The following ADORA1 variants were observed in gnomAD, a reference collection of about 807,000 sequenced individuals.
ADORA1 encodes the protein adenosine receptor A1.
ADORA1 carries 6 observed loss-of-function variants against 19.9 expected under a neutral mutation model. That is an observed-to-expected ratio of 0.30 (90% CI 0.17 to 0.59). The LOEUF is 0.59. ADORA1 is among the 20% of genes least tolerant of loss of function. The probability of loss-of-function intolerance (pLI) is 0.87; values close to 1 mark genes in which losing one functional copy is unlikely to be tolerated. For synonymous variants in ADORA1, 194 were observed against 188.4 expected (o/e 1.03, Z -0.24); for missense variants, 302 against 439.2 (o/e 0.69, Z 2.79).
chr1:203,141,572 ATTT>A (rs56188119), intron 3 of ADORA1, among the ~76,000 whole-genome samples: 761 of 73,540 alleles, frequency 0.01, 7 homozygotes, highest in South Asian at 0.08. Context: ...TCTAACCTGG[ATTT>A]TTTTTTTTTT....
intron 3 of ADORA1, among the ~76,000 whole-genome samples, chr1:203,163,272 T>G (rs1177252983): frequency 6.6e-6 from 1 of 152,220 alleles, no homozygotes; most frequent in African/African-American, 2.4e-5. Context: ...GCACACGTAG[T>G]ATCTCATTTG....
chr1:203,165,490 C>A lies in ADORA1; in HGVS notation c.571C>A (p.Pro191Thr). ...CTTCAACTTCTTTGTGTGGGTGCTG[C>A]CCCCGCTTCTCCTCATGGTCCTCAT... ...VYFNFFVWVLPPLLLMVLIYL... is the reference protein window; with the variant it reads ...VYFNFFVWVLTPLLLMVLIYL... Residue 191 changes from proline to threonine, a missense_variant, in exon 4 of 4, where the codon CCC (proline) becomes ACC (threonine). By Grantham distance (38) the Pro-to-Thr change is conservative. Coordinates refer to ENST00000337894, the MANE Select transcript of ADORA1 (RefSeq NM_000674.3). The surrounding 1 kb of genome is among the most constrained non-coding windows in gnomAD (Gnocchi z 5.9). The A allele has an allele frequency of 1.2e-6, 2 of 1,613,094 alleles. No homozygotes were observed. The highest frequency in any genetic ancestry group is 1.7e-6 in the Non-Finnish European group (2 of 1,179,296).
intron 3 of ADORA1, among the ~76,000 whole-genome samples, chr1:203,137,756 A>G (rs568093392): frequency 6.6e-6 from 1 of 152,326 alleles, no homozygotes; most frequent in Non-Finnish European, 1.5e-5. Flanking sequence ...CCTATATACC[A>G]CTACCCCGAT....
intron 3 of ADORA1, among the ~76,000 whole-genome samples, chr1:203,164,669 G>C (rs1290811240): frequency 6.6e-6 from 1 of 152,154 alleles, no homozygotes; most frequent in Non-Finnish European, 1.5e-5. Context: ...GGGAAGGGGG[G>C]TTGTGTGAAA....
At position 203,146,570 on chromosome 1, in the gene ADORA1, G is replaced by A. The variant is rs187000131; in HGVS notation, c.341+17388G>A. On this transcript the variant is annotated intron_variant, in intron 3 of 3. Coordinates refer to ENST00000337894, the MANE Select transcript of ADORA1 (RefSeq NM_000674.3). The stretch of plus-strand genomic sequence containing the variant: ...CCTGAGCCTGGGAGGTTGAGGCTAC[G>A]GTGGGCCATGAGTGCCACTGCATTC... Among the ~76,000 whole-genome samples, 15 of 151,828 alleles carry A rather than the reference G, an allele frequency of 9.9e-5. No individual in the cohort carries two copies. In the East Asian group the frequency reaches 2.9e-3, roughly 29 times the overall value.
Position 203,143,679 on chromosome 1 carries a change from G to A in ADORA1, c.341+14497G>A, listed in dbSNP as rs190077520. 3.7e-3 allele frequency among the ~76,000 whole-genome samples: 563 copies of A among 152,260 alleles called. 8 individuals carry two copies. The highest frequency in any genetic ancestry group is 3.3e-3 in the East Asian group (17 of 5,184). ...CAATTCCATGCAGCCCCTGCCCCCAGTCCCTCATTCTCCATGGTCCAGACA... is the reference window on the plus strand; with the variant it reads ...CAATTCCATGCAGCCCCTGCCCCCAATCCCTCATTCTCCATGGTCCAGACA... On this transcript the variant is annotated intron_variant, in intron 3 of 3. Coordinates refer to ENST00000337894, the MANE Select transcript of ADORA1 (RefSeq NM_000674.3).
intron 3 of ADORA1, among the ~76,000 whole-genome samples, chr1:203,137,528 C>A (rs893012320): frequency 6.6e-6 from 1 of 152,072 alleles, no homozygotes; most frequent in Non-Finnish European, 1.5e-5. Context: ...AGGGTGCAAA[C>A]GGGAGTAGTT....
In ADORA1 at chr1:203,136,950, C is replaced by A. The variant is rs796265053; in HGVS notation, c.341+7768C>A. Reference sequence around the variant, plus strand: ...ATACTTTCATTAATAAAACAGAGATCCTCATGGAGACTGAATTCTAATGAA... The same window carrying A: ...ATACTTTCATTAATAAAACAGAGATACTCATGGAGACTGAATTCTAATGAA... On this transcript the variant is annotated intron_variant, in intron 3 of 3. Coordinates refer to ENST00000337894, the MANE Select transcript of ADORA1 (RefSeq NM_000674.3). Among the ~76,000 whole-genome samples the A allele has an allele frequency of 1.1e-3, 166 of 152,250 alleles. 2 individuals carry two copies. Among genetic ancestry groups the A allele is most frequent in the African/African-American group, 3.8e-3 (157 of 41,544 alleles).
At chr1:203,143,396 G>A (rs1391596866) in intron 3 of ADORA1, among the ~76,000 whole-genome samples, 1 of 152,202 alleles carries the variant, frequency 6.6e-6, no homozygotes, top group Non-Finnish European at 1.5e-5. Context: ...AATGCCATCA[G>A]CATAAGAATT....
In ADORA1 at chr1:203,161,262, G is replaced by A. The variant is rs182417351; in HGVS notation, c.342-3999G>A. On this transcript the variant is annotated intron_variant, in intron 3 of 3. Coordinates refer to ENST00000337894, the MANE Select transcript of ADORA1 (RefSeq NM_000674.3). ...GTTATCATCATCAATGAGAAGTTCC[G>A]ACTAATAAACTAATTCATACTATGG... 1.6e-4 allele frequency among the ~76,000 whole-genome samples: 24 copies of A among 152,234 alleles called. No homozygotes were observed. The East Asian group carries it at 4.4e-3, about 28-fold the overall frequency.
rs1436033977 is a variant in ADORA1 at position 203,165,412 on chromosome 1, C to T, written c.493C>T (p.Pro165Ser). ...GGCAGCCAACGGCAGCATGGGGGAG[C>T]CCGTGATCAAGTGCGAGTTCGAGAA... ...AWAANGSMGEPVIKCEFEKVI... is the reference protein window; with the variant it reads ...AWAANGSMGESVIKCEFEKVI... Residue 165 changes from proline (P) to serine (S), a missense_variant, in exon 4 of 4, where the codon CCC becomes TCC. By Grantham distance (74) the Pro-to-Ser change is moderately conservative (BLOSUM62 -1). Coordinates refer to ENST00000337894, the MANE Select transcript of ADORA1 (RefSeq NM_000674.3). This position sits in a 1 kb window ranked among gnomAD's most constrained non-coding sequence, Gnocchi z 5.9. The T allele has an allele frequency of 6.2e-7, 1 of 1,610,692 alleles. No individual in the cohort carries two copies. The highest frequency in any genetic ancestry group is 8.5e-7 in the Non-Finnish European group (1 of 1,178,492).
chr1:203,136,304 G>A (rs1654505708), intron 3 of ADORA1, among the ~76,000 whole-genome samples: 1 of 152,164 alleles, frequency 6.6e-6, no homozygotes, highest in African/African-American at 2.4e-5. Flanking sequence ...TGGTTTGAAG[G>A]TGGGCAGGGA....
chr1:203,131,945 T>C (rs17464408), intron 3 of ADORA1, among the ~76,000 whole-genome samples: 1 of 152,036 alleles, frequency 6.6e-6, no homozygotes. Context: ...GACCGAGCAC[T>C]GGTGAGGCGT....
chr1:203,165,364 C>T lies in ADORA1; in HGVS notation c.445C>T (p.Leu149=). Residue 149 remains leucine, a synonymous_variant, in exon 4 of 4, where the codon CTG becomes TTG. Coordinates refer to ENST00000337894, the MANE Select transcript of ADORA1 (RefSeq NM_000674.3). This position sits in a 1 kb window ranked among gnomAD's most constrained non-coding sequence, Gnocchi z 5.9. The part of the protein sequence containing the change: ...GLTPMFGWNN[L]SAVERAWAAN... Reference sequence around the variant, plus strand: ...GACCCCTATGTTTGGCTGGAACAATCTGAGTGCGGTGGAGCGGGCCTGGGC... The same window carrying T: ...GACCCCTATGTTTGGCTGGAACAATTTGAGTGCGGTGGAGCGGGCCTGGGC... 3 of 1,592,568 alleles carry T rather than the reference C, an allele frequency of 1.9e-6. No homozygotes were observed. The highest frequency in any genetic ancestry group is 2.6e-6 in the Non-Finnish European group (3 of 1,169,432).
intron 3 of ADORA1, among the ~76,000 whole-genome samples, chr1:203,148,967 G>C (rs1389700466): frequency 6.6e-6 from 1 of 151,712 alleles, no homozygotes; most frequent in Non-Finnish European, 1.5e-5. Flanking sequence ...AACCTCCGCC[G>C]CCCGGGTTCA....
At chr1:203,130,636 G>A (rs983712402) in intron 3 of ADORA1, among the ~76,000 whole-genome samples, 2 of 152,204 alleles carry the variant, frequency 1.3e-5, no homozygotes, top group Admixed American at 6.5e-5. Flanking sequence ...TTAGAAGAGC[G>A]GGGCCTCTGA....
chr1:203,156,485 T>A (rs1357002772), intron 3 of ADORA1, among the ~76,000 whole-genome samples: 1 of 152,102 alleles, frequency 6.6e-6, no homozygotes, highest in Non-Finnish European at 1.5e-5. Flanking sequence ...GAGTGTCCAC[T>A]AGCATGGTGA....
chr1:203,163,056 C>A (rs1655420727), intron 3 of ADORA1, among the ~76,000 whole-genome samples: 1 of 152,156 alleles, frequency 6.6e-6, no homozygotes, highest in Non-Finnish European at 1.5e-5. Flanking sequence ...CTTTTTCCAC[C>A]ATATCTGAGA....
chr1:203,135,792 A>G (rs1430206063), intron 3 of ADORA1, among the ~76,000 whole-genome samples: 1 of 152,150 alleles, frequency 6.6e-6, no homozygotes, highest in Non-Finnish European at 1.5e-5. Context: ...CTATCTAGAA[A>G]GATTGCCTTG....
Sources: allele counts gnomAD v4.1 joint callset (sites outside exome capture counted in the v4.1 genomes callset), GRCh38; gene constraint gnomAD v4.1.1; non-coding constraint Gnocchi (gnomAD v3.1); transcripts MANE v1.5; gene names NCBI Gene and HGNC (gene_info 2026-07-23, HGNC 2026-07-21).